The following P4HA3 variants were observed in gnomAD, a reference collection of about 807,000 sequenced individuals.
The protein encoded by P4HA3 is prolyl 4-hydroxylase subunit alpha 3.
P4HA3 carries 60 observed loss-of-function variants against 66.7 expected under a neutral mutation model. The ratio of observed to expected loss-of-function variants is 0.90; its 90% CI spans 0.73 to 1.12. The LOEUF (loss-of-function observed/expected upper bound fraction) is 1.12. P4HA3 is among the 50% of genes most tolerant of loss of function. The probability of loss-of-function intolerance (pLI) is 0.00; values close to 1 mark genes in which losing one functional copy is unlikely to be tolerated. For synonymous variants in P4HA3, 263 were observed against 274.6 expected, an observed-to-expected ratio of 0.96 and a Z score of 0.42; for missense variants, 683 against 685.8, an observed-to-expected ratio of 1.00 and a Z score of 0.05.
Position 74,251,947 on chromosome 11 carries a change from C to G in P4HA3, c.*1319-3946G>C, listed in dbSNP as rs545339413. 4.2e-5 allele frequency: 30 copies of G among 712,590 alleles called. No individual in the cohort carries two copies. The African/African-American group carries it at 4.5e-4, about 11-fold the overall frequency. 44.1% of individuals were successfully genotyped at this position (712,590 alleles called of 1,614,324 possible). On this transcript the variant is annotated intron_variant and NMD_transcript_variant, in intron 15 of 15. Coordinates refer to the P4HA3 transcript ENST00000524388. ...TGCTGAGGCTGTGATTAAATTGTGCCTAGTCTCACTCCCCACTGTGATGTG... is the reference window on the plus strand; with the variant it reads ...TGCTGAGGCTGTGATTAAATTGTGCGTAGTCTCACTCCCCACTGTGATGTG...
At chr11:74,275,676 C>T (rs1050061278) in intron 9 of P4HA3, among the ~76,000 whole-genome samples, 1 of 152,120 alleles carries the variant, frequency 6.6e-6, no homozygotes, top group Non-Finnish European at 1.5e-5. Context: ...TTTCCATATA[C>T]ATTTTAGGAT....
At chr11:74,302,863 T>G (rs746610014) in intron 2 of P4HA3, among the ~76,000 whole-genome samples, 1 of 152,204 alleles carries the variant, frequency 6.6e-6, no homozygotes, top group African/African-American at 2.4e-5. Context: ...GGAGTCTCAC[T>G]CTTTAGGGAG....
chr11:74,302,398 T>A lies in P4HA3; in HGVS notation c.538A>T (p.Thr180Ser). Residue 180 changes from threonine to serine, a missense_variant, in exon 3 of 13, where the codon ACA becomes TCA. Transcript: ENST00000331597. ...CCAACTTGGAAGCAGTCATCCCCTG[T>A]GAGAGAAAAGAGCCGTTTGGGGCTG... Reference protein sequence around the residue: ...LYSPKRLFSLTGDDCFQVGKV... With the variant: ...LYSPKRLFSLSGDDCFQVGKV... The A allele has an allele frequency of 1.2e-6, 2 of 1,613,788 alleles. No homozygotes were observed. The highest frequency in any genetic ancestry group is 8.5e-7 in the Non-Finnish European group (1 of 1,179,984).
intron 7 of P4HA3, among the ~76,000 whole-genome samples, chr11:74,282,523 C>T (rs775492988): frequency 1.3e-5 from 2 of 152,060 alleles, no homozygotes; most frequent in Non-Finnish European, 2.9e-5. Context: ...GCAGCTGGAG[C>T]GTCAAGTGCC....
At chr11:74,274,859 T>C (rs898451890) in intron 9 of P4HA3, among the ~76,000 whole-genome samples, 2 of 152,194 alleles carry the variant, frequency 1.3e-5, no homozygotes, top group African/African-American at 4.8e-5. Flanking sequence ...CTTGGTATAA[T>C]CTTATTTTAT....
chr11:74,304,237 TCTCTC>T, intron 2 of P4HA3, 28 bp downstream of exon 2: 1 of 1,609,542 alleles, frequency 6.2e-7, no homozygotes, highest in Non-Finnish European at 8.5e-7. Context: ...GATAGAATCT[TCTCTC>T]TTACCCTCCA....
chr11:74,300,866 C>T (rs982579488), intron 3 of P4HA3, among the ~76,000 whole-genome samples: 1 of 152,100 alleles, frequency 6.6e-6, no homozygotes, highest in South Asian at 2.1e-4. Context: ...AGAAGCAATC[C>T]AAGAATCTGT....
At chr11:74,296,146 T>C (rs956891951) in intron 4 of P4HA3, among the ~76,000 whole-genome samples, 7 of 152,332 alleles carry the variant, frequency 4.6e-5, no homozygotes, top group Admixed American at 3.9e-4. Context: ...CGCATTCTGT[T>C]AAGGGCTTTG....
chr11:74,308,851 G>A (rs1861646870), intron 1 of P4HA3, among the ~76,000 whole-genome samples: 2 of 152,094 alleles, frequency 1.3e-5, no homozygotes, highest in Admixed American at 1.3e-4. Flanking sequence ...ACTTTTACAT[G>A]GTACTCTTAA....
intron 1 of P4HA3, among the ~76,000 whole-genome samples, chr11:74,304,726 T>G (rs771401856): frequency 1.3e-5 from 2 of 152,178 alleles, no homozygotes; most frequent in African/African-American, 4.8e-5. Flanking sequence ...AGTCTTTTTC[T>G]CCTGTCATCA....
chr11:74,265,705 A>G (rs1565402311), downstream of P4HA3, among the ~76,000 whole-genome samples: 1 of 152,232 alleles, frequency 6.6e-6, no homozygotes, highest in Non-Finnish European at 1.5e-5. Flanking sequence ...AAGCCTTTGC[A>G]GAATTGCTGA....
chr11:74,272,751 G>A (rs1168684135), intron 10 of P4HA3, among the ~76,000 whole-genome samples: 1 of 152,180 alleles, frequency 6.6e-6, no homozygotes, highest in African/African-American at 2.4e-5. Flanking sequence ...CTTCATCTTT[G>A]GTTGTTATAT....
intron 9 of P4HA3, among the ~76,000 whole-genome samples, chr11:74,275,105 A>G (rs995453392): frequency 2.0e-5 from 3 of 152,168 alleles, no homozygotes; most frequent in African/African-American, 7.2e-5. Context: ...TGATTTGCAA[A>G]TATTTTCTCC....
At chr11:74,297,294 A>G (rs1290934132) in intron 4 of P4HA3, among the ~76,000 whole-genome samples, 2 of 152,138 alleles carry the variant, frequency 1.3e-5, no homozygotes, top group South Asian at 4.1e-4. Flanking sequence ...ATTCGCCAGG[A>G]ACTTCCATGA....
In P4HA3 at chr11:74,279,518, C is replaced by T; in HGVS notation, c.1111-66G>A. The T allele has an allele frequency of 1.4e-6, 2 of 1,448,582 alleles. 1 individual carries two copies. Among genetic ancestry groups the T allele is most frequent in the Non-Finnish European group, 1.9e-6 (2 of 1,029,628 alleles). 89.7% of individuals were successfully genotyped at this position (1,448,582 alleles called of 1,614,324 possible). Reference sequence around the variant, plus strand: ...TGCAAAAGGAAAGTTTTGTCACTTCCACAGACATATTTCTCTCTTAAGCAT... The same window carrying T: ...TGCAAAAGGAAAGTTTTGTCACTTCTACAGACATATTTCTCTCTTAAGCAT... On this transcript the variant is annotated intron_variant, in intron 7 of 12. Transcript: ENST00000331597.
chr11:74,304,427 T>C lies in P4HA3; in HGVS notation c.201-15A>G, dbSNP rs775922521. On this transcript the variant is annotated splice_polypyrimidine_tract_variant and intron_variant, in intron 1 of 12. Transcript: ENST00000331597. The stretch of plus-strand genomic sequence containing the variant: ...TGTCGTAGAATCTGAAAGAAAGGAG[T>C]AGAATGATCTCACCTCCTGATACAA... 3 of 1,613,462 alleles carry C rather than the reference T, an allele frequency of 1.9e-6. No individual in the cohort carries two copies. The Admixed American group carries it at 5.0e-5, about 27-fold the overall frequency.
chr11:74,307,838 T>C (rs964062863), intron 1 of P4HA3, among the ~76,000 whole-genome samples: 1 of 152,192 alleles, frequency 6.6e-6, no homozygotes, highest in South Asian at 2.1e-4. Context: ...GTTTTGCCTT[T>C]GGAATTCAGA....
Position 74,274,943 on chromosome 11 carries a change from T to A in P4HA3, c.1336-1336A>T, listed in dbSNP as rs1168595266. Among the ~76,000 whole-genome samples, 3 of 152,320 alleles carry A rather than the reference T, an allele frequency of 2.0e-5. No individual in the cohort carries two copies. In the East Asian group the frequency reaches 5.8e-4, roughly 29 times the overall value. On this transcript the variant is annotated intron_variant, in intron 9 of 12. Transcript: ENST00000331597. ...TGCATTTCCCTAATGATGTTGAGCA[T>A]CTTTCCATATGTTTCTTAGCCATTC... is the stretch of plus-strand genomic sequence containing the variant.
chr11:74,256,154 C>T (rs12291740), intron 15 of P4HA3, among the ~76,000 whole-genome samples: 2,739 of 152,316 alleles, frequency 0.018, 91 homozygotes, highest in African/African-American at 0.062. Context: ...TTGGAAGTGA[C>T]TGTCAGAATT....
Sources: allele counts gnomAD v4.1 joint callset (sites outside exome capture counted in the v4.1 genomes callset), GRCh38; gene constraint gnomAD v4.1.1; transcripts MANE v1.5; gene names NCBI Gene and HGNC (gene_info 2026-07-23, HGNC 2026-07-21).